Variants in TMEM116 observed in about 807,000 individuals in gnomAD.
The protein encoded by TMEM116 is transmembrane protein 116.
TMEM116 carries 38 observed loss-of-function variants against 44.3 expected under a neutral mutation model. The observed-to-expected ratio is 0.86, with a 90% CI of 0.66 to 1.12. The LOEUF (loss-of-function observed/expected upper bound fraction) is 1.12, where lower values mean the gene tolerates loss of function less well. TMEM116 is among the 50% of genes most tolerant of loss of function. The pLI, the probability that TMEM116 is intolerant of heterozygous loss-of-function variation, is 0.00. For synonymous variants in TMEM116, 132 were observed against 144.8 expected (o/e 0.91, Z 0.64); for missense variants, 354 against 401.7 (o/e 0.88, Z 1.01).
chr12:111,961,575 A>C (rs1461161720), intron 4 of TMEM116, among the ~76,000 whole-genome samples: 2 of 152,224 alleles, frequency 1.3e-5, no homozygotes, highest in Non-Finnish European at 1.5e-5. Context: ...GGCAAACACC[A>C]CATGATTAAT....
chr12:111,960,982 TAA>T (rs2074551333), intron 4 of TMEM116, among the ~76,000 whole-genome samples: 1 of 151,972 alleles, frequency 6.6e-6, no homozygotes, highest in Non-Finnish European at 1.5e-5. Flanking sequence ...TAAAAAATGA[TAA>T]AGGGGATGTC....
chr12:111,949,805 C>A (rs2073572566), intron 4 of TMEM116, among the ~76,000 whole-genome samples: 1 of 152,116 alleles, frequency 6.6e-6, no homozygotes, highest in Non-Finnish European at 1.5e-5. Flanking sequence ...AAATGCTGTT[C>A]CTAAAACCCT....
At chr12:111,980,160 C>T (rs2075865746) in intron 4 of TMEM116, among the ~76,000 whole-genome samples, 1 of 151,982 alleles carries the variant, frequency 6.6e-6, no homozygotes, top group South Asian at 2.1e-4. Context: ...TATAATTGCC[C>T]CAAACTAGAA....
chr12:112,006,008 T>C, intron 1 of TMEM116: 1 of 985,752 alleles, frequency 1.0e-6, no homozygotes, highest in South Asian at 4.7e-5. Flanking sequence ...GGGACTTCAG[T>C]CCCAGCTACC....
rs575675893 is a variant in TMEM116 at position 111,943,045 on chromosome 12, C to T, written c.315+220G>A. 2.0e-5 allele frequency among the ~76,000 whole-genome samples: 3 copies of T among 151,878 alleles called. No homozygotes were observed. The South Asian group carries it at 6.2e-4, about 32-fold the overall frequency. ...CAAGTGATCCTCCCACTTCAGCCCCCGGAGTAGCTAGGACTCCAGGCATGT... is the reference window on the plus strand; with the variant it reads ...CAAGTGATCCTCCCACTTCAGCCCCTGGAGTAGCTAGGACTCCAGGCATGT... On this transcript the variant is annotated intron_variant, in intron 5 of 10. Coordinates refer to ENST00000552374, the MANE Select transcript of TMEM116 (RefSeq NM_001193531.2).
At chr12:111,951,841 A>G (rs553567968) in intron 4 of TMEM116, among the ~76,000 whole-genome samples, 6 of 152,172 alleles carry the variant, frequency 3.9e-5, no homozygotes, top group Non-Finnish European at 8.8e-5. Flanking sequence ...AGGAAAAAAA[A>G]ATCATTTAGC....
At chr12:111,988,884 C>T (rs1440831203) in intron 4 of TMEM116, among the ~76,000 whole-genome samples, 1 of 151,558 alleles carries the variant, frequency 6.6e-6, no homozygotes, top group Admixed American at 6.6e-5. Context: ...CCCAGCTACT[C>T]GGGAGGCTGA....
chr12:111,979,129 A>G (rs1207948445), intron 4 of TMEM116, among the ~76,000 whole-genome samples: 1 of 152,196 alleles, frequency 6.6e-6, no homozygotes. Flanking sequence ...ATGAAAGAAA[A>G]AATGGATGAG....
At chr12:111,968,272 AT>A (rs1317935909) in intron 4 of TMEM116, among the ~76,000 whole-genome samples, 1 of 152,154 alleles carries the variant, frequency 6.6e-6, no homozygotes, top group East Asian at 1.9e-4. Context: ...AAAACTGATA[AT>A]TCAACAAGGT....
intron 4 of TMEM116, among the ~76,000 whole-genome samples, chr12:111,957,087 C>T (rs893198252): frequency 6.6e-6 from 1 of 151,794 alleles, no homozygotes; most frequent in Non-Finnish European, 1.5e-5. Context: ...GCCTGGCCAC[C>T]CATCGTCTGG....
At chr12:111,949,636 CTT>C (rs2136307435) in intron 4 of TMEM116, among the ~76,000 whole-genome samples, 1 of 152,252 alleles carries the variant, frequency 6.6e-6, no homozygotes, top group South Asian at 2.1e-4. Flanking sequence ...AAAGAAAAAA[CTT>C]ATGTTTCTAA....
At chr12:111,933,865 C>A in intron 9 of TMEM116, 21 bp downstream of exon 9, 1 of 1,613,112 alleles carries the variant, frequency 6.2e-7, no homozygotes, top group Non-Finnish European at 8.5e-7. Context: ...CACTGCCCAT[C>A]TCTTCTTGTT....
chr12:111,982,965 C>T (rs1955292428), intron 4 of TMEM116, among the ~76,000 whole-genome samples: 1 of 152,142 alleles, frequency 6.6e-6, no homozygotes, highest in Admixed American at 6.5e-5. Flanking sequence ...TCAGTGACTA[C>T]ATTAGGCAAA....
intron 4 of TMEM116, among the ~76,000 whole-genome samples, chr12:111,974,189 G>T (rs2075524200): frequency 6.6e-6 from 1 of 151,348 alleles, no homozygotes; most frequent in Non-Finnish European, 1.5e-5. Context: ...TCCTCAACTT[G>T]ATTAAGGATA....
chr12:111,934,104 T>A, intron 8 of TMEM116, 74 bp from the exon 9 acceptor site: 3 of 1,491,790 alleles, frequency 2.0e-6, no homozygotes, highest in Non-Finnish European at 2.7e-6. Flanking sequence ...TCCTATCATT[T>A]TAAAAAGATT....
chr12:111,969,321 A>G (rs1336521755), intron 4 of TMEM116, among the ~76,000 whole-genome samples: 1 of 78,538 alleles, frequency 1.3e-5, no homozygotes, highest in East Asian at 7.1e-3. Context: ...GCTCCATCTC[A>G]AAAAAAAAAA....
chr12:112,008,116 G>A (rs2077672374), intron 1 of TMEM116, among the ~76,000 whole-genome samples: 1 of 152,180 alleles, frequency 6.6e-6, no homozygotes, highest in South Asian at 2.1e-4. Context: ...CTGAGGTCCA[G>A]GCTGCAGTGA....
intron 3 of TMEM116, among the ~76,000 whole-genome samples, chr12:111,995,003 T>A (rs1593609521): frequency 6.6e-6 from 1 of 152,302 alleles, no homozygotes; most frequent in East Asian, 1.9e-4. Flanking sequence ...ATCTTGGTGA[T>A]GTGAAACCTC....
intron 4 of TMEM116, among the ~76,000 whole-genome samples, chr12:111,974,664 A>AG (rs1019086822): frequency 1.3e-5 from 2 of 151,124 alleles, no homozygotes; most frequent in South Asian, 4.2e-4. Flanking sequence ...CAAAAAAAAA[A>AG]AAAAGAAAAG....
Sources: gnomAD v4.1 joint callset for allele counts (sites outside exome capture counted in the v4.1 genomes callset) on GRCh38, gnomAD v4.1.1 for gene constraint, MANE v1.5 for transcripts, NCBI Gene and HGNC (gene_info 2026-07-23, HGNC 2026-07-21) for gene names.